Variants in ANO1 observed in about 807,000 individuals in gnomAD.
The protein encoded by ANO1 is anoctamin 1, also known as anoctamin-1.
In ANO1, 59 loss-of-function variants were observed where a neutral mutation model predicts 124.0. The ratio of observed to expected loss-of-function variants is 0.48; its 90% CI spans 0.39 to 0.59. The LOEUF (loss-of-function observed/expected upper bound fraction) is 0.59. ANO1 is among the 20% of genes least tolerant of loss of function. The pLI, the probability that ANO1 is intolerant of heterozygous loss-of-function variation, is 0.00. For missense variants in ANO1, 1,059 were observed against 1,328.0 expected (o/e 0.80, Z 3.15); for synonymous variants, 529 against 532.0 (o/e 0.99, Z 0.08).
chr11:70,161,179 A>T lies in ANO1; in HGVS notation c.1597A>T (p.Ile533Phe). ...IIFMIAVTFAIVLGVIIYRIS... is the reference protein window; with the variant it reads ...IIFMIAVTFAFVLGVIIYRIS... ...CCTGCAGATTGCAGTGACGTTTGCC[A>T]TCGTCCTCGGCGTCATCATCTACAG... Residue 533 changes from isoleucine to phenylalanine, a missense_variant, in exon 17 of 26, where the codon ATC (isoleucine) becomes TTC (phenylalanine). By Grantham distance (21) the Ile-to-Phe change is conservative. This residue lies in a region of ANO1 where 809 missense variants were observed against 1,094.9 expected (regional missense o/e 0.74). Transcript: ENST00000355303. The T allele has an allele frequency of 6.2e-7, 1 of 1,613,778 alleles. No homozygotes were observed. The highest frequency in any genetic ancestry group is 8.5e-7 in the Non-Finnish European group (1 of 1,179,864).
intron 1 of ANO1, among the ~76,000 whole-genome samples, chr11:70,025,788 G>A (rs1400876531): frequency 4.2e-5 from 6 of 143,424 alleles, no homozygotes; most frequent in African/African-American, 1.6e-4. Context: ...GCTGGTGGTA[G>A]TGGTGTTGAC....
At chr11:70,004,095 G>T (rs782441182) in intron 1 of ANO1, among the ~76,000 whole-genome samples, 13 of 152,106 alleles carry the variant, frequency 8.5e-5, no homozygotes, top group Non-Finnish European at 1.9e-4. Context: ...AGCCCACCAG[G>T]GGCTCCTTCA....
intron 1 of ANO1, among the ~76,000 whole-genome samples, chr11:70,078,954 G>A (rs932020153): frequency 3.3e-5 from 5 of 151,954 alleles, no homozygotes; most frequent in African/African-American, 1.2e-4. Context: ...TCCGCCCAGC[G>A]CAGCGCCGGG....
chr11:70,077,665 C>A (rs895866601), upstream of ANO1, among the ~76,000 whole-genome samples: 1 of 152,200 alleles, frequency 6.6e-6, no homozygotes, highest in Non-Finnish European at 1.5e-5. Context: ...TCAGAGGATG[C>A]GGACTGGTCC....
At chr11:70,043,424 A>G (rs1191360192) in intron 1 of ANO1, among the ~76,000 whole-genome samples, 1 of 152,220 alleles carries the variant, frequency 6.6e-6, no homozygotes, top group African/African-American at 2.4e-5. Flanking sequence ...TTGAAGAAAA[A>G]GTGATAAAAA....
upstream of ANO1, among the ~76,000 whole-genome samples, chr11:69,981,463 AGACTTGCCT>A (rs1332088011): frequency 6.6e-6 from 1 of 152,254 alleles, no homozygotes; most frequent in Non-Finnish European, 1.5e-5. Context: ...TTAAATAAAC[AGACTTGCCT>A]AAGGAGAAGC....
At chr11:70,171,564 A>G (rs2135769060) in intron 22 of ANO1, among the ~76,000 whole-genome samples, 1 of 152,376 alleles carries the variant, frequency 6.6e-6, no homozygotes, top group Non-Finnish European at 1.5e-5. Context: ...TGTAGGGATC[A>G]AAGCCAAGAT....
intron 19 of ANO1, among the ~76,000 whole-genome samples, chr11:70,164,016 G>C (rs1275274588): frequency 6.7e-6 from 1 of 150,354 alleles, no homozygotes; most frequent in Admixed American, 6.6e-5. Context: ...ACATTGAAAT[G>C]CTTGTCTCTT....
chr11:70,047,872 G>A (rs1425568935), intron 1 of ANO1, among the ~76,000 whole-genome samples: 2 of 152,190 alleles, frequency 1.3e-5, no homozygotes, highest in African/African-American at 4.8e-5. Context: ...TACAAGTACT[G>A]CAGTTACAGG....
chr11:70,013,229 G>A lies in ANO1; in HGVS notation c.58+27063G>A, dbSNP rs116583298. 6.5e-3 allele frequency among the ~76,000 whole-genome samples: 985 copies of A among 152,294 alleles called. 15 individuals are homozygous for A. Among genetic ancestry groups the A allele is most frequent in the African/African-American group, 0.022 (920 of 41,562 alleles). On this transcript the variant is annotated intron_variant, in intron 1 of 27. Coordinates refer to the ANO1 transcript ENST00000531349. ...GGCATGTTCAAGCAACTGAAATGAG[G>A]TCAGTGTAGCCACAGCAGTGGCCAA...
chr11:70,152,355 AAAG>A, intron 12 of ANO1, 92 bp from the exon 13 acceptor site: 2 of 1,052,578 alleles, frequency 1.9e-6, no homozygotes, highest in Non-Finnish European at 2.7e-6. Context: ...AAAAAAAAAA[AAAG>A]TTGTCCTTAG....
At chr11:70,108,134 C>T in intron 5 of ANO1, 1 of 486,074 alleles carries the variant, frequency 2.1e-6, no homozygotes, top group Non-Finnish European at 3.7e-6. Flanking sequence ...GCAGGTGCAC[C>T]TGTTTCTCCC....
chr11:70,142,930 C>T (rs983654852), intron 11 of ANO1, among the ~76,000 whole-genome samples: 1 of 152,216 alleles, frequency 6.6e-6, no homozygotes, highest in East Asian at 1.9e-4. Flanking sequence ...TAAACCCGAT[C>T]AACCCCCAAA....
intron 5 of ANO1, among the ~76,000 whole-genome samples, chr11:70,107,868 C>T (rs7930866): frequency 0.12 from 18,815 of 152,258 alleles, 1,292 homozygotes; most frequent in South Asian, 0.21. Context: ...CTCCTGCCAC[C>T]GTGGGGAATG....
chr11:69,977,428 G>A, the ANO1 span, among the ~76,000 whole-genome samples: 237 of 152,364 alleles, frequency 1.6e-3, 3 homozygotes, highest in African/African-American at 4.5e-3. Context: ...GCACCTGGGC[G>A]TGCTGCCGAC....
chr11:70,130,483 C>G (rs919337486), intron 10 of ANO1, among the ~76,000 whole-genome samples: 3 of 152,228 alleles, frequency 2.0e-5, no homozygotes, highest in Non-Finnish European at 4.4e-5. Context: ...GTTACTTCCC[C>G]TCTCTGGGCT....
At chr11:69,999,971 G>T (rs12291692) in intron 1 of ANO1, among the ~76,000 whole-genome samples, 2,246 of 152,114 alleles carry the variant, frequency 0.015, 50 homozygotes, top group African/African-American at 0.048. Flanking sequence ...TTCAGAGCAC[G>T]GCCCATACTG....
the ANO1 span, among the ~76,000 whole-genome samples, chr11:69,980,683 T>C: frequency 6.6e-6 from 1 of 152,078 alleles, no homozygotes; most frequent in Non-Finnish European, 1.5e-5. Context: ...GTGAGTGGTC[T>C]TAATGCCACT....
chr11:69,992,799 C>T (rs782786737), intron 1 of ANO1, among the ~76,000 whole-genome samples: 4 of 152,218 alleles, frequency 2.6e-5, no homozygotes, highest in Admixed American at 6.5e-5. Context: ...TCGTCAACGT[C>T]TATCATGGCC....
Sources: allele counts gnomAD v4.1 joint callset (sites outside exome capture counted in the v4.1 genomes callset), GRCh38; gene constraint gnomAD v4.1.1; regional missense constraint gnomAD v4.1.1; transcripts MANE v1.5; gene names NCBI Gene and HGNC (gene_info 2026-07-23, HGNC 2026-07-21).